Variants in PLCG2 observed in about 807,000 individuals in gnomAD.
PLCG2 encodes the protein phospholipase C gamma 2.
PLCG2 carries 69 observed loss-of-function variants against 175.6 expected under a neutral mutation model. The observed-to-expected ratio is 0.39, with a 90% CI of 0.32 to 0.48. The LOEUF (loss-of-function observed/expected upper bound fraction) is 0.48, where lower values mean the gene tolerates loss of function less well. Among genes scored for constraint, PLCG2 ranks in the 20% least tolerant of loss-of-function variants. PLCG2 has a pLI of 0.91. For missense variants in PLCG2, 1,798 were observed against 1,650.9 expected (o/e 1.09, Z -1.54); for synonymous variants, 827 against 624.0 (o/e 1.33, Z -4.85).
intron 1 of PLCG2, among the ~76,000 whole-genome samples, chr16:81,783,675 G>A (rs1361078399): frequency 6.6e-6 from 1 of 152,196 alleles, no homozygotes; most frequent in Non-Finnish European, 1.5e-5. Context: ...GACACAACAG[G>A]TGCTTGGCAC....
Position 81,958,578 on chromosome 16 carries a change from T to C in PLCG2, c.*580T>C, listed in dbSNP as rs913251225. 14 of 230,540 alleles carry C rather than the reference T, an allele frequency of 6.1e-5. No individual in the cohort carries two copies. The highest frequency in any genetic ancestry group is 1.2e-4 in the Non-Finnish European group (14 of 116,522). The allele number at this position is 230,540 out of a possible 1,614,324, so 14.3% of individuals were successfully genotyped here. A position where few individuals can be genotyped will look rare whatever the true frequency, so the allele number is the denominator to read the frequency against. On this transcript the variant is annotated 3_prime_UTR_variant, in exon 33 of 33. Coordinates refer to ENST00000564138, the MANE Select transcript of PLCG2 (RefSeq NM_002661.5). The stretch of plus-strand genomic sequence containing the variant: ...ACAAGAAAATGGCTGAGTGATGGGA[T>C]CTGTTCATTAAGACAATTTCTAATT...
chr16:81,861,763 G>A (rs911051745), intron 5 of PLCG2, among the ~76,000 whole-genome samples: 5 of 152,190 alleles, frequency 3.3e-5, no homozygotes, highest in Non-Finnish European at 7.3e-5. Context: ...CTCTCCACGC[G>A]GTGCTGGTAT....
At chr16:81,768,212 T>G (rs1476480946) in intron 2 of PLCG2, among the ~76,000 whole-genome samples, 2 of 152,224 alleles carry the variant, frequency 1.3e-5, no homozygotes, top group Non-Finnish European at 1.5e-5. Flanking sequence ...AGTCATGCAT[T>G]TGAGATTCAG....
At chr16:81,803,633 T>TTTCCTCCCTCCCTCCCTCCC (rs1911853454) in intron 2 of PLCG2, among the ~76,000 whole-genome samples, 1 of 88,570 alleles carries the variant, frequency 1.1e-5, no homozygotes, top group African/African-American at 3.8e-5. Flanking sequence ...TCTTTTCTTC[T>TTTCCTCCCTCCCTCCCTCCC]TCCCTCCCTC....
intron 2 of PLCG2, among the ~76,000 whole-genome samples, chr16:81,820,977 G>A (rs971630912): frequency 8.7e-5 from 13 of 149,048 alleles, no homozygotes; most frequent in Middle Eastern, 3.3e-3. Flanking sequence ...GGCTGGTCTA[G>A]AACTCCTGAC....
At chr16:81,742,215 A>G (rs1012845200) in intron 1 of PLCG2, among the ~76,000 whole-genome samples, 1 of 151,716 alleles carries the variant, frequency 6.6e-6, no homozygotes, top group African/African-American at 2.4e-5. Context: ...CAGTCAAAAG[A>G]TGACCTAGAG....
chr16:81,904,954 C>T (rs1337594029), intron 14 of PLCG2, among the ~76,000 whole-genome samples: 1 of 152,118 alleles, frequency 6.6e-6, no homozygotes, highest in African/African-American at 2.4e-5. Context: ...GTGGTGCAGT[C>T]TCAGCTCACT....
At chr16:81,834,847 T>A (rs1176319790) in intron 2 of PLCG2, among the ~76,000 whole-genome samples, 7 of 152,202 alleles carry the variant, frequency 4.6e-5, no homozygotes, top group African/African-American at 1.7e-4. Flanking sequence ...TTTGTTCCTT[T>A]GGTCTTTTAT....
At chr16:81,785,487 G>A (rs1394257023) in intron 1 of PLCG2, among the ~76,000 whole-genome samples, 4 of 104,194 alleles carry the variant, frequency 3.8e-5, no homozygotes, top group Admixed American at 2.3e-4. Context: ...TTTGTTTTTC[G>A]TTTATTTCAT....
chr16:81,961,148 G>C lies in PLCG2; in HGVS notation c.*3150G>C, dbSNP rs894035482. On this transcript the variant is annotated 3_prime_UTR_variant, in exon 33 of 33. Coordinates refer to ENST00000564138, the MANE Select transcript of PLCG2 (RefSeq NM_002661.5). ...GGAGGAACAGCCTGTAGATTTCTGAGTCTCTTAGCATGTAACTACAAAGGG... is the reference window on the plus strand; with the variant it reads ...GGAGGAACAGCCTGTAGATTTCTGACTCTCTTAGCATGTAACTACAAAGGG... The C allele has an allele frequency of 4.3e-6, 1 of 230,754 alleles. No individual in the cohort carries two copies. Among genetic ancestry groups the C allele is most frequent in the East Asian group, 6.2e-5 (1 of 16,178 alleles). The allele number at this position is 230,754 out of a possible 1,614,324, so 14.3% of individuals were successfully genotyped here. A position where few individuals can be genotyped will look rare whatever the true frequency, so the allele number is the denominator to read the frequency against.
intron 10 of PLCG2, 185 bp downstream of exon 10, chr16:81,889,458 T>A (rs1908530344): frequency 1.9e-6 from 1 of 525,984 alleles, no homozygotes; most frequent in Non-Finnish European, 3.4e-6. Context: ...TCTAGATTAC[T>A]GTAACTGTAA....
Position 81,960,430 on chromosome 16 carries a change from T to A in PLCG2, c.*2432T>A, listed in dbSNP as rs1484749997. 1.8e-5 allele frequency: 4 copies of A among 226,750 alleles called. No individual in the cohort carries two copies. Among genetic ancestry groups the A allele is most frequent in the African/African-American group, 4.4e-5 (2 of 44,972 alleles). 14.0% of individuals were successfully genotyped at this position (226,750 alleles called of 1,614,324 possible). ...CCACCACTGCATATGTATTACACTGTTTTTGTTCACCATTTTCCTAAGTGT... is the reference window on the plus strand; with the variant it reads ...CCACCACTGCATATGTATTACACTGATTTTGTTCACCATTTTCCTAAGTGT... On this transcript the variant is annotated 3_prime_UTR_variant, in exon 33 of 33. Transcript: ENST00000564138.
chr16:81,858,031 C>T, intron 3 of PLCG2: 1 of 493,174 alleles, frequency 2.0e-6, no homozygotes, highest in East Asian at 3.0e-5. Flanking sequence ...GGAAATAACC[C>T]ACTTGTCATC....
chr16:81,757,765 C>T (rs1271822705), intron 2 of PLCG2, among the ~76,000 whole-genome samples: 1 of 152,036 alleles, frequency 6.6e-6, no homozygotes, highest in Non-Finnish European at 1.5e-5. Context: ...ATTTTTGAAA[C>T]TTTTCATCAC....
At chr16:81,802,638 C>T (rs747478866) in intron 2 of PLCG2, among the ~76,000 whole-genome samples, 7 of 152,002 alleles carry the variant, frequency 4.6e-5, no homozygotes, top group Non-Finnish European at 8.8e-5. Context: ...GTGGCGCAAT[C>T]TCAGCTCACT....
At chr16:81,846,145 G>A (rs1192798312) in intron 2 of PLCG2, among the ~76,000 whole-genome samples, 1 of 152,176 alleles carries the variant, frequency 6.6e-6, no homozygotes, top group Non-Finnish European at 1.5e-5. Context: ...CCCTTCTTCA[G>A]GGCACTGCTC....
rs1477576619 is a variant in PLCG2, at chr16:81,919,569, G to A, written c.2140G>A (p.Val714Met). The A allele has an allele frequency of 1.9e-6, 3 of 1,614,022 alleles. No homozygotes were observed. The highest frequency in any genetic ancestry group is 2.5e-6 in the Non-Finnish European group (3 of 1,180,018). Residue 714 changes from valine to methionine, a missense_variant, in exon 20 of 33, where the codon GTG (valine) becomes ATG (methionine). Transcript: ENST00000564138. ...LGTSAYFESL[V>M]ELVSYYEKHS... ...GACCTCCGCCTATTTTGAGAGTCTG[G>A]TGGAGCTCGTCAGTTACTACGAGAA...
In PLCG2 at chr16:81,928,424, C is replaced by T. The variant is rs1053833073; in HGVS notation, c.2515-134C>T. On this transcript the variant is annotated intron_variant, in intron 23 of 32. Coordinates refer to ENST00000564138, the MANE Select transcript of PLCG2 (RefSeq NM_002661.5). ...CATTATTTAGCTCTCTCCCCATGGACGTATCTGGTAATGAAAATGCATTTT... is the reference window on the plus strand; with the variant it reads ...CATTATTTAGCTCTCTCCCCATGGATGTATCTGGTAATGAAAATGCATTTT... 1.8e-4 allele frequency: 121 copies of T among 657,090 alleles called. 1 individual carries two copies. Among genetic ancestry groups the T allele is most frequent in the South Asian group, 1.7e-3 (100 of 57,566 alleles). 40.7% of individuals were successfully genotyped at this position (657,090 alleles called of 1,614,324 possible). A position where few individuals can be genotyped will look rare whatever the true frequency, so the allele number is the denominator to read the frequency against.
Position 81,937,745 on chromosome 16 carries a change from C to A in PLCG2, c.3053-13C>A. ...ATGCCTGACTTACAGCAGGCGTTCA[C>A]TTTCCTTCCCAGATAAGTACATGCA... is the stretch of plus-strand genomic sequence containing the variant. On this transcript the variant is annotated splice_polypyrimidine_tract_variant and intron_variant, in intron 27 of 32. Transcript: ENST00000564138. The A allele has an allele frequency of 6.2e-7, 1 of 1,612,000 alleles. No individual in the cohort carries two copies. The highest frequency in any genetic ancestry group is 8.5e-7 in the Non-Finnish European group (1 of 1,178,778).
Sources: allele counts gnomAD v4.1 joint callset (sites outside exome capture counted in the v4.1 genomes callset), GRCh38; gene constraint gnomAD v4.1.1; transcripts MANE v1.5; gene names NCBI Gene and HGNC (gene_info 2026-07-23, HGNC 2026-07-21).